The following PLA2G4A variants were observed in gnomAD, a reference collection of about 807,000 sequenced individuals.
PLA2G4A encodes the protein phospholipase A2 group IVA.
Under a neutral mutation model 81.9 loss-of-function variants are expected in PLA2G4A, and 40 were observed. The ratio of observed to expected loss-of-function variants is 0.49; its 90% CI spans 0.38 to 0.64. The LOEUF is 0.64. Ranked by LOEUF, PLA2G4A falls within the 30% of genes least tolerant of loss-of-function variation. The probability of loss-of-function intolerance (pLI) is 0.00; values close to 1 mark genes in which losing one functional copy is unlikely to be tolerated. For synonymous variants in PLA2G4A, 302 were observed against 296.9 expected, an observed-to-expected ratio of 1.02 and a Z score of -0.18; for missense variants, 715 against 905.1, an observed-to-expected ratio of 0.79 and a Z score of 2.69.
chr1:186,947,003 A>T (rs1236497927), intron 12 of PLA2G4A, 42 bp downstream of exon 12: 2 of 1,064,094 alleles, frequency 1.9e-6, no homozygotes, highest in African/African-American at 3.1e-5. Context: ...ATCTTGCTAC[A>T]TTGATAAAGT....
intron 7 of PLA2G4A, among the ~76,000 whole-genome samples, chr1:186,926,000 A>G (rs1272360466): frequency 6.6e-6 from 1 of 152,206 alleles, no homozygotes. Context: ...AATTTGCTAG[A>G]GAGAGAGGTC....
At chr1:186,924,660 C>T (rs989869545) in intron 7 of PLA2G4A, among the ~76,000 whole-genome samples, 2 of 152,026 alleles carry the variant, frequency 1.3e-5, no homozygotes, top group Non-Finnish European at 2.9e-5. Flanking sequence ...GCAGCCTTGA[C>T]TTCCTGGGTT....
chr1:186,869,086 C>CT (rs1029133515), intron 2 of PLA2G4A, among the ~76,000 whole-genome samples: 2 of 151,544 alleles, frequency 1.3e-5, no homozygotes, highest in African/African-American at 4.8e-5. Context: ...TTAATTTGCT[C>CT]TTTTTTTTCC....
chr1:186,882,471 A>G (rs990583632), intron 3 of PLA2G4A, among the ~76,000 whole-genome samples: 8 of 152,284 alleles, frequency 5.3e-5, no homozygotes, highest in Admixed American at 5.2e-4. Flanking sequence ...ATCTGTTAGA[A>G]TGAATATTTC....
intron 14 of PLA2G4A, among the ~76,000 whole-genome samples, chr1:186,960,062 A>G (rs1656893168): frequency 6.6e-6 from 1 of 152,150 alleles, no homozygotes; most frequent in South Asian, 2.1e-4. Flanking sequence ...TGTGCCTACT[A>G]CTTAATCTTG....
intron 17 of PLA2G4A, among the ~76,000 whole-genome samples, chr1:186,984,312 G>A (rs1185234181): frequency 6.6e-6 from 1 of 151,892 alleles, no homozygotes; most frequent in Non-Finnish European, 1.5e-5. Context: ...CGATCTGGAG[G>A]GAATATGTCT....
intron 9 of PLA2G4A, among the ~76,000 whole-genome samples, chr1:186,939,461 TGAG>T (rs1053169165): frequency 1.3e-5 from 2 of 148,944 alleles, no homozygotes; most frequent in African/African-American, 4.9e-5. Context: ...TTTGAATGTG[TGAG>T]GAAGTGCTTT....
chr1:186,843,209 G>A (rs1379447545), intron 1 of PLA2G4A, among the ~76,000 whole-genome samples: 2 of 152,020 alleles, frequency 1.3e-5, no homozygotes, highest in Non-Finnish European at 2.9e-5. Flanking sequence ...AAATGAGATG[G>A]TATATATAAA....
chr1:186,901,174 C>A (rs1261643443), intron 5 of PLA2G4A, among the ~76,000 whole-genome samples: 1 of 152,104 alleles, frequency 6.6e-6, no homozygotes, highest in Non-Finnish European at 1.5e-5. Context: ...TTTGAGAGAC[C>A]TTTCGCTAAG....
chr1:186,843,807 C>T (rs1652072749), intron 1 of PLA2G4A, among the ~76,000 whole-genome samples: 1 of 152,172 alleles, frequency 6.6e-6, no homozygotes, highest in Non-Finnish European at 1.5e-5. Flanking sequence ...GATCTAAGCT[C>T]TTTCACGTTT....
chr1:186,833,931 T>A (rs972559629), intron 1 of PLA2G4A, among the ~76,000 whole-genome samples: 7 of 152,156 alleles, frequency 4.6e-5, no homozygotes, highest in African/African-American at 1.7e-4. Flanking sequence ...ATAGACCAAA[T>A]TGGCTCTCAT....
chr1:186,952,183 G>C (rs58808768), intron 13 of PLA2G4A, among the ~76,000 whole-genome samples: 2 of 152,070 alleles, frequency 1.3e-5, no homozygotes, highest in Non-Finnish European at 2.9e-5. Context: ...GGACTACTGA[G>C]GAGACAGAAT....
At chr1:186,892,823 A>T (rs1231167440) in intron 3 of PLA2G4A, among the ~76,000 whole-genome samples, 188 bp from the exon 4 acceptor site, 1 of 152,228 alleles carries the variant, frequency 6.6e-6, no homozygotes, top group East Asian at 1.9e-4. Flanking sequence ...ATTATGAAGG[A>T]CAGCGACATA....
intron 8 of PLA2G4A, 113 bp downstream of exon 8, chr1:186,933,012 C>A: frequency 2.5e-6 from 2 of 799,118 alleles, no homozygotes; most frequent in Non-Finnish European, 4.2e-6. Context: ...ATTTAAATTA[C>A]TGAAACTTTC....
intron 13 of PLA2G4A, among the ~76,000 whole-genome samples, chr1:186,955,663 C>G (rs1489410517): frequency 3.4e-5 from 5 of 148,528 alleles, no homozygotes; most frequent in East Asian, 2.0e-4. Context: ...TTAATTTAGG[C>G]AAATACACAT....
intron 14 of PLA2G4A, among the ~76,000 whole-genome samples, chr1:186,964,766 C>A (rs1027678366): frequency 3.3e-5 from 5 of 152,188 alleles, no homozygotes; most frequent in Admixed American, 2.0e-4. Flanking sequence ...TGAGCTCTAT[C>A]AGAGCAGAGC....
At chr1:186,940,554 A>G (rs1260982286) in intron 10 of PLA2G4A, among the ~76,000 whole-genome samples, 1 of 152,136 alleles carries the variant, frequency 6.6e-6, no homozygotes, top group Non-Finnish European at 1.5e-5. Flanking sequence ...CCCACATACA[A>G]AATGGCACAG....
Position 186,840,872 on chromosome 1 carries a change from C to A in PLA2G4A, c.-70+11837C>A, listed in dbSNP as rs569208604. 2.8e-4 allele frequency among the ~76,000 whole-genome samples: 43 copies of A among 152,266 alleles called. No homozygotes were observed. The East Asian group carries it at 8.1e-3, about 29-fold the overall frequency. On this transcript the variant is annotated intron_variant, in intron 1 of 17. Coordinates refer to ENST00000367466, the MANE Select transcript of PLA2G4A (RefSeq NM_024420.3). ...GCAGCAATTAAAGAGGGAGTGGAAC[C>A]CTCAACAAAACACAAATACTACCTT...
At chr1:186,987,100 G>C (rs944985367) in intron 17 of PLA2G4A, among the ~76,000 whole-genome samples, 3 of 152,240 alleles carry the variant, frequency 2.0e-5, no homozygotes, top group African/African-American at 7.2e-5. Flanking sequence ...AGAGAATAGA[G>C]AGCCTTGCTT....
Sources: allele counts gnomAD v4.1 joint callset (sites outside exome capture counted in the v4.1 genomes callset), GRCh38; gene constraint gnomAD v4.1.1; transcripts MANE v1.5; gene names NCBI Gene and HGNC (gene_info 2026-07-23, HGNC 2026-07-21).